SLFN14: variants seen among roughly 807,000 people sequenced by gnomAD.
SLFN14 encodes the protein schlafen family member 14.
In SLFN14, 47 loss-of-function variants were observed where a neutral mutation model predicts 58.6. The ratio of observed to expected loss-of-function variants is 0.80; its 90% CI spans 0.64 to 1.02. The LOEUF (loss-of-function observed/expected upper bound fraction) is 1.02. Ranked by LOEUF, SLFN14 falls within the 50% of genes least tolerant of loss-of-function variation. SLFN14 has a pLI of 0.00. For missense variants in SLFN14, 967 were observed against 1,078.4 expected, an observed-to-expected ratio of 0.90 and a Z score of 1.45; for synonymous variants, 390 against 387.3, an observed-to-expected ratio of 1.01 and a Z score of -0.08.
chr17:35,556,907 C>G, intron 3 of SLFN14, 96 bp downstream of exon 3: 1 of 1,158,638 alleles, frequency 8.6e-7, no homozygotes, highest in South Asian at 1.7e-5. Context: ...AAATAAATTT[C>G]TATTTTTTAA....
Position 35,548,069 on chromosome 17 carries a change from T to C in SLFN14, c.*170A>G. On this transcript the variant is annotated 3_prime_UTR_variant, in exon 6 of 6. Transcript: ENST00000674182. ...GTGAAGGAAATTGTGAAAAGGCCAGTGGCATTGAAATAGAGTGGAAGGCTC... is the reference window on the plus strand; with the variant it reads ...GTGAAGGAAATTGTGAAAAGGCCAGCGGCATTGAAATAGAGTGGAAGGCTC... The C allele has an allele frequency of 1.5e-6, 1 of 655,816 alleles. No homozygotes were observed. 40.6% of individuals were successfully genotyped at this position (655,816 alleles called of 1,614,324 possible). A position where few individuals can be genotyped will look rare whatever the true frequency, so the allele number is the denominator to read the frequency against.
chr17:35,547,191 G>T lies in SLFN14; in HGVS notation c.*1048C>A, dbSNP rs754410173. On this transcript the variant is annotated 3_prime_UTR_variant, in exon 6 of 6. Transcript: ENST00000674182. ...CAGAGAAAAAAAAATTCATCTGAGG[G>T]CAAAGAATAATGAAAAACTAGTCAT... is the stretch of plus-strand genomic sequence containing the variant. Among the ~76,000 whole-genome samples, 7 of 152,098 alleles carry T rather than the reference G, an allele frequency of 4.6e-5. No individual in the cohort carries two copies. The highest frequency in any genetic ancestry group is 7.4e-5 in the Non-Finnish European group (5 of 68,018).
intron 5 of SLFN14, among the ~76,000 whole-genome samples, chr17:35,551,122 A>C (rs1183321017): frequency 6.6e-6 from 1 of 152,218 alleles, no homozygotes; most frequent in East Asian, 1.9e-4. Flanking sequence ...TGAACATTAT[A>C]AATTACCTGT....
Position 35,548,165 on chromosome 17 carries a change from A to G in SLFN14, c.*74T>C. 7.3e-7 allele frequency: 1 copy of G among 1,366,816 alleles called. No individual in the cohort carries two copies. Among genetic ancestry groups the G allele is most frequent in the Non-Finnish European group, 9.9e-7 (1 of 1,014,256 alleles). 84.7% of individuals were successfully genotyped at this position (1,366,816 alleles called of 1,614,324 possible). A position where few individuals can be genotyped will look rare whatever the true frequency, so the allele number is the denominator to read the frequency against. On this transcript the variant is annotated 3_prime_UTR_variant, in exon 6 of 6. Transcript: ENST00000674182. ...TTGATTTCCTCACTTGTAATATTAA[A>G]ATGGAGTCACTGCTACCTGTCTAGG...
Position 35,544,943 on chromosome 17 carries a change from C to G in SLFN14, c.*3296G>C, listed in dbSNP as rs1431485922. 6.6e-6 allele frequency among the ~76,000 whole-genome samples: 1 copy of G among 152,168 alleles called. No homozygotes were observed. Among genetic ancestry groups the G allele is most frequent in the African/African-American group, 2.4e-5 (1 of 41,444 alleles). On this transcript the variant is annotated 3_prime_UTR_variant, in exon 6 of 6. Coordinates refer to ENST00000674182, the MANE Select transcript of SLFN14 (RefSeq NM_001129820.2). ...AAGCTTCTCACAGTTTCTAAAGCTT[C>G]TCTTTTATCTTAGTTATTTCATTTA...
Position 35,557,270 on chromosome 17 carries a change from C to G in SLFN14, c.793G>C (p.Asp265His). Residue 265 changes from aspartate to histidine, a missense_variant, in exon 3 of 6, where the codon GAC (aspartate) becomes CAC (histidine). Asp to His is a moderately conservative substitution (Grantham distance 81). Coordinates refer to ENST00000674182, the MANE Select transcript of SLFN14 (RefSeq NM_001129820.2). ...VGCKWEKVNP[D>H]LLKKEIENCI... is the part of the protein sequence containing the mutation. ...TTTTCGATTTCTTTTTTTAGTAAGT[C>G]AGGATTCACTTTTTCCCACTTACAT... 6.4e-7 allele frequency: 1 copy of G among 1,551,652 alleles called. No homozygotes were observed. Among genetic ancestry groups the G allele is most frequent in the Non-Finnish European group, 8.7e-7 (1 of 1,146,978 alleles).
At position 35,554,925 on chromosome 17, in the gene SLFN14, A is replaced by T. The variant is rs1197528143; in HGVS notation, c.1061-221T>A. Among the ~76,000 whole-genome samples, 4 of 152,096 alleles carry T rather than the reference A, an allele frequency of 2.6e-5. No homozygotes were observed. The East Asian group carries it at 7.7e-4, about 29-fold the overall frequency. The stretch of plus-strand genomic sequence containing the variant: ...CACACATATTCTAAGTCACTGTGTG[A>T]CTCGGCTTGAGCAAGTCATTTCACC... On this transcript the variant is annotated intron_variant, in intron 3 of 5. Coordinates refer to ENST00000674182, the MANE Select transcript of SLFN14 (RefSeq NM_001129820.2).
Position 35,547,063 on chromosome 17 carries a change from A to C in SLFN14, c.*1176T>G, listed in dbSNP as rs537180303. Among the ~76,000 whole-genome samples the C allele has an allele frequency of 4.6e-5, 7 of 152,204 alleles. No homozygotes were observed. Among genetic ancestry groups the C allele is most frequent in the Non-Finnish European group, 1.0e-4 (7 of 68,032 alleles). On this transcript the variant is annotated 3_prime_UTR_variant, in exon 6 of 6. Coordinates refer to ENST00000674182, the MANE Select transcript of SLFN14 (RefSeq NM_001129820.2). Reference sequence around the variant, plus strand: ...GTATAAGGCATTTCTAGCCTACATGAATGTATTCACATACATAGAGGATAA... The same window carrying C: ...GTATAAGGCATTTCTAGCCTACATGCATGTATTCACATACATAGAGGATAA...
At chr17:35,551,785 G>A (rs141643195) in intron 5 of SLFN14, among the ~76,000 whole-genome samples, 3 of 86,284 alleles carry the variant, frequency 3.5e-5, no homozygotes, top group South Asian at 3.2e-4. Flanking sequence ...TAATCAATCC[G>A]GAATCGTCAC....
Position 35,554,604 on chromosome 17 carries a change from C to A in SLFN14, c.1161G>T (p.Lys387Asn). The part of the protein sequence containing the change: ...PGYPIKVHKF[K>N]EALQRHLFPV... ...GAAACAAATGTCGTTGCAGAGCCTCCTTAAATTTGTGGACTTTTATGGGAT... is the reference window on the plus strand; with the variant it reads ...GAAACAAATGTCGTTGCAGAGCCTCATTAAATTTGTGGACTTTTATGGGAT... Residue 387 changes from lysine to asparagine, a missense_variant, in exon 4 of 6, where the codon AAG (lysine) becomes AAT (asparagine). Transcript: ENST00000674182. 1.3e-6 allele frequency: 2 copies of A among 1,535,928 alleles called. No individual in the cohort carries two copies. The highest frequency in any genetic ancestry group is 1.4e-5 in the African/African-American group (1 of 72,014).
chr17:35,554,676 G>C lies in SLFN14; in HGVS notation c.1089C>G (p.Asn363Lys), dbSNP rs368922921. The change falls in exon 4 of 6, where the codon AAC (asparagine) becomes AAG (lysine). Residue 363 changes from asparagine (N) to lysine (K), a missense_variant. By Grantham distance (94) the Asn-to-Lys change is moderately conservative (BLOSUM62 0). Coordinates refer to ENST00000674182, the MANE Select transcript of SLFN14 (RefSeq NM_001129820.2). ...SAPPSLVTDYNSCLISSASSA... is the reference protein window; with the variant it reads ...SAPPSLVTDYKSCLISSASSA... Reference sequence around the variant, plus strand: ...ATGAAGCTGATGAAATCAGGCAAGAGTTGTAGTCTGTGACCAAACTGGGAG... The same window carrying C: ...ATGAAGCTGATGAAATCAGGCAAGACTTGTAGTCTGTGACCAAACTGGGAG... 6.8e-7 allele frequency: 1 copy of C among 1,473,404 alleles called. No homozygotes were observed. Among genetic ancestry groups the C allele is most frequent in the African/African-American group, 1.4e-5 (1 of 69,354 alleles). 91.3% of individuals were successfully genotyped at this position (1,473,404 alleles called of 1,614,324 possible). A position where few individuals can be genotyped will look rare whatever the true frequency, so the allele number is the denominator to read the frequency against.
At chr17:35,552,619 TATATACAC>T (rs2072602695) in intron 5 of SLFN14, 103 bp downstream of exon 5, 28 of 343,140 alleles carry the variant, frequency 8.2e-5, no homozygotes, top group East Asian at 2.8e-4. Context: ...TATGTGTATA[TATATACAC>T]ATATATATAC....
intron 4 of SLFN14, among the ~76,000 whole-genome samples, chr17:35,553,730 C>T (rs2072621095): frequency 6.6e-6 from 1 of 152,122 alleles, no homozygotes; most frequent in Admixed American, 6.5e-5. Context: ...CCTCTGCCTC[C>T]CTGGTTCCAG....
intron 1 of SLFN14, among the ~76,000 whole-genome samples, chr17:35,560,402 A>AT (rs2072688690): frequency 6.6e-6 from 1 of 152,144 alleles, no homozygotes; most frequent in Non-Finnish European, 1.5e-5. Context: ...CTCTTGGCTC[A>AT]TGGCAACCTC....
At chr17:35,560,705 G>A (rs1181298330) in intron 1 of SLFN14, among the ~76,000 whole-genome samples, 62 bp downstream of exon 1, 1 of 150,946 alleles carries the variant, frequency 6.6e-6, no homozygotes, top group Non-Finnish European at 1.5e-5. Context: ...GCCCTCAGAT[G>A]TAGACTGCAC....
rs1408192268 is a variant in SLFN14, at chr17:35,545,886, C to T, written c.*2353G>A. Among the ~76,000 whole-genome samples, 2 of 152,100 alleles carry T rather than the reference C, an allele frequency of 1.3e-5. No homozygotes were observed. The highest frequency in any genetic ancestry group is 4.8e-5 in the African/African-American group (2 of 41,406). On this transcript the variant is annotated 3_prime_UTR_variant, in exon 6 of 6. Coordinates refer to ENST00000674182, the MANE Select transcript of SLFN14 (RefSeq NM_001129820.2). ...ATTAGTCTGGTGTCTGGCCTGATCA[C>T]TGATTTTTTTTAAGTCGCCCAGGAA... is the stretch of plus-strand genomic sequence containing the variant.
intron 4 of SLFN14, among the ~76,000 whole-genome samples, chr17:35,553,830 C>A (rs949626861): frequency 3.3e-5 from 5 of 151,890 alleles, no homozygotes; most frequent in African/African-American, 9.7e-5. Context: ...GTAGAGACAG[C>A]GTTTCACCAT....
In SLFN14 at chr17:35,548,929, A is replaced by T. The variant is rs2072559090; in HGVS notation, c.2049T>A (p.His683Gln). ...CACTTCCAGTCCCCTTCGCCTTTGG[A>T]TGGGTGATGTTCTTAGCCTTCATGT... ...NWYMKAKNIT[H>Q]PKAKGTGSEN... Residue 683 changes from histidine to glutamine, a missense_variant, in exon 6 of 6, where the codon CAT becomes CAA. Coordinates refer to ENST00000674182, the MANE Select transcript of SLFN14 (RefSeq NM_001129820.2). 2 of 1,551,702 alleles carry T rather than the reference A, an allele frequency of 1.3e-6. No individual in the cohort carries two copies. Among genetic ancestry groups the T allele is most frequent in the African/African-American group, 1.4e-5 (1 of 73,168 alleles).
chr17:35,548,735 C>G lies in SLFN14; in HGVS notation c.2243G>C (p.Arg748Thr). 6.4e-7 allele frequency: 1 copy of G among 1,551,694 alleles called. No homozygotes were observed. Among genetic ancestry groups the G allele is most frequent in the South Asian group, 1.2e-5 (1 of 84,056 alleles). ...IAKVMKEEMK[R>T]IKENPPSNMS... ...GTTGGAGGGAGGATTTTCTTTGATC[C>G]TCTTCATTTCTTCTTTCATAACCTT... Residue 748 changes from arginine to threonine, a missense_variant, in exon 6 of 6, where the codon AGG becomes ACG. By Grantham distance (71) the Arg-to-Thr change is moderately conservative (BLOSUM62 -1). Transcript: ENST00000674182.
Sources: gnomAD v4.1 joint callset for allele counts (sites outside exome capture counted in the v4.1 genomes callset) on GRCh38, gnomAD v4.1.1 for gene constraint, MANE v1.5 for transcripts, NCBI Gene and HGNC (gene_info 2026-07-23, HGNC 2026-07-21) for gene names.